The following ZBTB37 variants were observed in gnomAD, a reference collection of about 807,000 sequenced individuals.
The protein encoded by ZBTB37 is zinc finger and BTB domain-containing protein 37.
In ZBTB37, 15 loss-of-function variants were observed where a neutral mutation model predicts 37.7. The ratio of observed to expected loss-of-function variants is 0.40; its 90% CI spans 0.27 to 0.61. The LOEUF is 0.61. Ranked by LOEUF, ZBTB37 falls within the 20% of genes least tolerant of loss-of-function variation. ZBTB37 has a pLI of 0.44. For missense variants in ZBTB37, 514 were observed against 641.9 expected (o/e 0.80, Z 2.15); for synonymous variants, 231 against 220.6 (o/e 1.05, Z -0.42).
chr1:173,902,324 G>A (rs1199482113), exon 4 of ZBTB37: 6 of 152,150 alleles, frequency 3.9e-5, no homozygotes, highest in African/African-American at 1.4e-4. Flanking sequence ...TGCTAATCAA[G>A]GAGGATTCAT....
exon 2 of ZBTB37, chr1:173,869,040 A>G (rs1038284814): frequency 1.5e-4 from 23 of 152,600 alleles, no homozygotes; most frequent in African/African-American, 5.1e-4. Flanking sequence ...CAAAATAAAC[A>G]CATCTGAATT....
intron 4 of ZBTB37, among the ~76,000 whole-genome samples, chr1:173,878,532 T>C (rs888573972): frequency 5.9e-5 from 9 of 152,150 alleles, no homozygotes; most frequent in Admixed American, 1.3e-4. Context: ...CACACCCCAG[T>C]GATGGGGTCA....
exon 5 of ZBTB37, chr1:173,886,346 C>A: frequency 1.5e-6 from 1 of 661,500 alleles, no homozygotes; most frequent in Non-Finnish European, 2.4e-6. Context: ...TCAAGCAAAT[C>A]AACTTTCTAA....
intron 1 of ZBTB37, among the ~76,000 whole-genome samples, 187 bp downstream of exon 1, chr1:173,868,592 C>T (rs1315115392): frequency 6.6e-6 from 1 of 152,204 alleles, no homozygotes; most frequent in African/African-American, 2.4e-5. Flanking sequence ...TCTGCCGGAC[C>T]CGCCCCCTCG....
In ZBTB37 at chr1:173,885,534, G is replaced by A. The variant is rs149295846; in HGVS notation, c.1024-102G>A. On this transcript the variant is annotated intron_variant, in intron 4 of 4. Coordinates refer to ENST00000427304, the Ensembl canonical transcript of ZBTB37. ...TTCTGTTTGATCCGCCACTAAAAAG[G>A]TACATATATCTTAGTAACAAGTAAA... 2.6e-4 allele frequency: 254 copies of A among 988,676 alleles called. 1 individual carries two copies. The African/African-American group carries it at 3.7e-3, about 15-fold the overall frequency. The allele number at this position is 988,676 out of a possible 1,614,324, so 61.2% of individuals were successfully genotyped here.
At chr1:173,882,179 T>A (rs1452994173) in intron 4 of ZBTB37, among the ~76,000 whole-genome samples, 1 of 151,542 alleles carries the variant, frequency 6.6e-6, no homozygotes, top group Admixed American at 6.6e-5. Context: ...GTCGGATGGG[T>A]AGATTGTAAA....
intron 4 of ZBTB37, among the ~76,000 whole-genome samples, chr1:173,880,685 C>T (rs942036037): frequency 6.6e-6 from 1 of 152,052 alleles, no homozygotes; most frequent in East Asian, 1.9e-4. Context: ...TGAGGCTAGC[C>T]GTTTTTGCCT....
exon 4 of ZBTB37, chr1:173,896,850 C>CTT (rs1226729652): frequency 6.6e-6 from 1 of 152,136 alleles, no homozygotes; most frequent in African/African-American, 2.4e-5. Context: ...GGGAACAAAG[C>CTT]TTAAAATGTG....
At chr1:173,892,014 A>T (rs1316104086) in exon 4 of ZBTB37, 1 of 152,210 alleles carries the variant, frequency 6.6e-6, no homozygotes, top group Non-Finnish European at 1.5e-5. Flanking sequence ...GAAGTTTTAT[A>T]TGATATACCC....
chr1:173,884,960 G>T (rs1056098176), intron 4 of ZBTB37, among the ~76,000 whole-genome samples: 12 of 152,200 alleles, frequency 7.9e-5, no homozygotes, highest in African/African-American at 2.9e-4. Flanking sequence ...CTGGCTGGGC[G>T]TCGTGGCTTA....
At chr1:173,882,755 A>G (rs914992934) in intron 4 of ZBTB37, among the ~76,000 whole-genome samples, 1 of 152,106 alleles carries the variant, frequency 6.6e-6, no homozygotes, top group Non-Finnish European at 1.5e-5. Context: ...TAATTTTTGT[A>G]TAAGGTGTAA....
At chr1:173,871,683 T>G (rs1244493509) in intron 3 of ZBTB37, among the ~76,000 whole-genome samples, 1 of 152,212 alleles carries the variant, frequency 6.6e-6, no homozygotes, top group African/African-American at 2.4e-5. Flanking sequence ...TTTTCATCTC[T>G]TTTTTCCCTT....
Position 173,879,072 on chromosome 1 carries a change from CAA to C in ZBTB37, c.1023+5507_1023+5508del, listed in dbSNP as rs368860884. 4.2e-3 allele frequency among the ~76,000 whole-genome samples: 538 copies of C among 129,628 alleles called. 4 individuals carry two copies. The highest frequency in any genetic ancestry group is 0.015 in the African/African-American group (525 of 34,878). The allele number at this position is 129,628 out of a possible 152,430, so 85.0% of individuals were successfully genotyped here. On this transcript the variant is annotated intron_variant, in intron 4 of 4. Coordinates refer to ENST00000427304, the Ensembl canonical transcript of ZBTB37. ...TGCCATTGCCCTCCAGCCCGGGGAA[CAA>C]GAGCAAAACTCCATCTCAAAAAAAA...
exon 4 of ZBTB37, chr1:173,898,921 G>A (rs1025973830): frequency 1.3e-5 from 2 of 152,126 alleles, no homozygotes; most frequent in Non-Finnish European, 2.9e-5. Flanking sequence ...GTCTAAACAG[G>A]GATTCTCTGG....
chr1:173,880,652 C>G (rs983406417), intron 4 of ZBTB37, among the ~76,000 whole-genome samples: 9 of 152,218 alleles, frequency 5.9e-5, no homozygotes, highest in African/African-American at 2.2e-4. Context: ...AAATAATCCA[C>G]CTCTTGACAA....
At chr1:173,868,575 G>T (rs1655194076) in intron 1 of ZBTB37, among the ~76,000 whole-genome samples, 170 bp downstream of exon 1, 1 of 152,120 alleles carries the variant, frequency 6.6e-6, no homozygotes, top group Admixed American at 6.5e-5. Flanking sequence ...GCCCCCGGCC[G>T]GGCTGATCTG....
exon 3 of ZBTB37, chr1:173,870,253 G>C: frequency 6.2e-7 from 1 of 1,613,518 alleles, no homozygotes; most frequent in Non-Finnish European, 8.5e-7. Context: ...CATACAATTG[G>C]AGATTCCTGA....
In ZBTB37 at chr1:173,883,149, T is replaced by C. The variant is rs552718773; in HGVS notation, c.1024-2487T>C. On this transcript the variant is annotated intron_variant, in intron 4 of 4. Coordinates refer to ENST00000427304, the Ensembl canonical transcript of ZBTB37. ...TTCATCGCATAATATTTTGGGACCA[T>C]TGAAGGTCCTAAAAGTTACCATTGT... 2.6e-5 allele frequency among the ~76,000 whole-genome samples: 4 copies of C among 152,260 alleles called. No homozygotes were observed. In the East Asian group the frequency reaches 7.7e-4, roughly 29 times the overall value.
At chr1:173,895,775 G>T (rs1181360756) in exon 4 of ZBTB37, 5 of 152,046 alleles carry the variant, frequency 3.3e-5, no homozygotes, top group Non-Finnish European at 4.4e-5. Flanking sequence ...GAAGTTTTTT[G>T]ATTTTTGGTT....
Sources: allele counts gnomAD v4.1 joint callset (sites outside exome capture counted in the v4.1 genomes callset), GRCh38; gene constraint gnomAD v4.1.1; transcripts MANE v1.5; gene names NCBI Gene and HGNC (gene_info 2026-07-23, HGNC 2026-07-21).